The following MAST4 variants were observed in gnomAD, a reference collection of about 807,000 sequenced individuals.
MAST4 encodes the protein microtubule-associated serine/threonine-protein kinase 4.
A neutral mutation model predicts 162.7 loss-of-function variants in MAST4; 89 were observed. The observed-to-expected ratio is 0.55, with a 90% CI of 0.46 to 0.65. MAST4 has a LOEUF of 0.65. Ranked by LOEUF, MAST4 falls within the 30% of genes least tolerant of loss-of-function variation. The probability of loss-of-function intolerance (pLI) is 0.00; values close to 1 mark genes in which losing one functional copy is unlikely to be tolerated. For synonymous variants in MAST4, 1,479 were observed against 1,361.1 expected (o/e 1.09, Z -1.91); for missense variants, 3,153 against 3,374.0 (o/e 0.93, Z 1.62).
chr5:67,130,906 T>G (rs375803479), intron 15 of MAST4, among the ~76,000 whole-genome samples: 2 of 152,188 alleles, frequency 1.3e-5, no homozygotes, highest in African/African-American at 4.8e-5. Context: ...ATGGACTACC[T>G]TTTCAATGCT....
chr5:66,704,844 T>C (rs919871334), intron 1 of MAST4, among the ~76,000 whole-genome samples: 7 of 152,146 alleles, frequency 4.6e-5, no homozygotes, highest in Admixed American at 3.9e-4. Context: ...CTTTCCTCTT[T>C]CTTGTCTTTT....
intron 3 of MAST4, among the ~76,000 whole-genome samples, chr5:66,820,940 C>G (rs1756964656): frequency 6.6e-6 from 1 of 152,124 alleles, no homozygotes; most frequent in South Asian, 2.1e-4. Flanking sequence ...TGTGAAAAGC[C>G]TTAAGCAAAA....
chr5:67,065,900 CAG>C (rs1466763316), intron 5 of MAST4, among the ~76,000 whole-genome samples: 2 of 152,022 alleles, frequency 1.3e-5, no homozygotes, highest in East Asian at 1.9e-4. Context: ...TGAGTAATTG[CAG>C]AGCTTGTCAT....
At chr5:66,810,144 A>G (rs1180261169) in intron 3 of MAST4, among the ~76,000 whole-genome samples, 3 of 152,168 alleles carry the variant, frequency 2.0e-5, no homozygotes, top group African/African-American at 7.2e-5. Context: ...TTGGCACACC[A>G]TTACTTTTAG....
At chr5:67,041,263 CCAGTG>C (rs1756702470) in intron 4 of MAST4, among the ~76,000 whole-genome samples, 1 of 152,016 alleles carries the variant, frequency 6.6e-6, no homozygotes, top group African/African-American at 2.4e-5. Flanking sequence ...AAGCCATTGG[CCAGTG>C]TTTGAGTGGA....
chr5:67,100,519 T>C lies in MAST4; in HGVS notation c.997T>C (p.Cys333Arg). ...GTTACACTTCTTATCAAAACATTTC[T>C]GTACCACCGAAAGCATCGCCACTGA... ...DELHFLSKHFCTTESIATENR... is the reference protein window; with the variant it reads ...DELHFLSKHFRTTESIATENR... The change falls in exon 8 of 29, where the codon TGT becomes CGT. Residue 333 changes from cysteine (C) to arginine (R), a missense_variant. Cys to Arg is a radical substitution (Grantham distance 180, BLOSUM62 -3). Coordinates refer to ENST00000403625, the MANE Select transcript of MAST4 (RefSeq NM_001164664.2). 6.2e-7 allele frequency: 1 copy of C among 1,613,956 alleles called. No individual in the cohort carries two copies. The highest frequency in any genetic ancestry group is 8.5e-7 in the Non-Finnish European group (1 of 1,179,840).
intron 2 of MAST4, among the ~76,000 whole-genome samples, chr5:66,773,958 C>T (rs1238669969): frequency 6.6e-6 from 1 of 152,174 alleles, no homozygotes; most frequent in Non-Finnish European, 1.5e-5. Context: ...TCCCAGCTTC[C>T]CAGTCTGTGT....
At chr5:66,706,768 AG>A (rs1750158190) in intron 1 of MAST4, among the ~76,000 whole-genome samples, 1 of 152,070 alleles carries the variant, frequency 6.6e-6, no homozygotes, top group Non-Finnish European at 1.5e-5. Context: ...GTTGATCCAA[AG>A]GTTTTGACTT....
At chr5:66,685,313 C>T (rs1373187188) in intron 1 of MAST4, among the ~76,000 whole-genome samples, 1 of 130,330 alleles carries the variant, frequency 7.7e-6, no homozygotes, top group African/African-American at 2.8e-5. Context: ...AAACCACACA[C>T]CCCAAAAACC....
intron 2 of MAST4, among the ~76,000 whole-genome samples, chr5:66,779,961 G>A (rs573003148): frequency 2.0e-5 from 3 of 152,048 alleles, no homozygotes; most frequent in Non-Finnish European, 4.4e-5. Context: ...TAGTTAATGT[G>A]GATACCTCCT....
chr5:67,060,634 C>CCGCG (rs1759456079), intron 5 of MAST4, among the ~76,000 whole-genome samples: 3 of 151,952 alleles, frequency 2.0e-5, no homozygotes. Context: ...CCTGCCACCA[C>CCGCG]GCCTGGCTAA....
intron 4 of MAST4, among the ~76,000 whole-genome samples, chr5:67,032,855 A>T (rs909766166): frequency 9.9e-5 from 15 of 152,120 alleles, no homozygotes; most frequent in East Asian, 7.7e-4. Context: ...TACAAATAAC[A>T]TCTAGTAGCT....
chr5:66,972,538 A>C (rs1325649851), intron 4 of MAST4, among the ~76,000 whole-genome samples: 2 of 152,188 alleles, frequency 1.3e-5, no homozygotes, highest in Non-Finnish European at 2.9e-5. Flanking sequence ...CAGTGTGCAC[A>C]TGTGTAGATT....
intron 3 of MAST4, chr5:66,792,259 T>C (rs1755447795): frequency 6.0e-6 from 1 of 167,976 alleles, no homozygotes; most frequent in Non-Finnish European, 1.5e-5. Context: ...TTCCTCATGC[T>C]GATGATCCTC....
chr5:66,898,572 C>CT (rs1762826199), intron 3 of MAST4, among the ~76,000 whole-genome samples: 1 of 152,090 alleles, frequency 6.6e-6, no homozygotes, highest in South Asian at 2.1e-4. Flanking sequence ...ACTATAATTT[C>CT]TTGGAGCTAA....
intron 5 of MAST4, among the ~76,000 whole-genome samples, chr5:67,062,793 A>G (rs939779350): frequency 5.3e-5 from 8 of 152,142 alleles, no homozygotes; most frequent in African/African-American, 1.9e-4. Context: ...GGGATTTCTG[A>G]CATCATACAT....
intron 1 of MAST4, among the ~76,000 whole-genome samples, chr5:66,756,407 A>G (rs2149605153): frequency 6.6e-6 from 1 of 152,312 alleles, no homozygotes; most frequent in Non-Finnish European, 1.5e-5. Flanking sequence ...AGGGAGAGGA[A>G]CCACAAGTAT....
chr5:66,656,186 C>T (rs138322467), intron 1 of MAST4, among the ~76,000 whole-genome samples: 72 of 152,312 alleles, frequency 4.7e-4, no homozygotes, highest in African/African-American at 1.7e-3. Flanking sequence ...GAAGACCTTT[C>T]TGCTCTGTAC....
intron 4 of MAST4, among the ~76,000 whole-genome samples, chr5:67,013,246 G>A (rs577673681): frequency 6.6e-6 from 1 of 152,336 alleles, no homozygotes; most frequent in Admixed American, 6.5e-5. Context: ...TTCAAAGTAA[G>A]TACCAGCACC....
Sources: gnomAD v4.1 joint callset for allele counts (sites outside exome capture counted in the v4.1 genomes callset) on GRCh38, gnomAD v4.1.1 for gene constraint, MANE v1.5 for transcripts, NCBI Gene and HGNC (gene_info 2026-07-23, HGNC 2026-07-21) for gene names.